The following PLEKHM2 variants were observed in gnomAD, a reference collection of about 807,000 sequenced individuals.
The protein encoded by PLEKHM2 is pleckstrin homology and RUN domain containing M2, also known as pleckstrin homology domain-containing family M member 2.
Under a neutral mutation model 116.3 loss-of-function variants are expected in PLEKHM2, and 77 were observed. The ratio of observed to expected loss-of-function variants is 0.66; its 90% confidence interval spans 0.55 to 0.80. PLEKHM2 has a LOEUF of 0.80. Ranked by LOEUF, PLEKHM2 falls within the 30% of genes least tolerant of loss-of-function variation. PLEKHM2 has a pLI of 0.00. For synonymous variants in PLEKHM2, 562 were observed against 571.0 expected (o/e 0.98, Z 0.22); for missense variants, 1,183 against 1,354.9 (o/e 0.87, Z 1.99).
chr1:15,715,469 T>G (rs1438082430), intron 1 of PLEKHM2, among the ~76,000 whole-genome samples: 1 of 152,012 alleles, frequency 6.6e-6, no homozygotes, highest in African/African-American at 2.4e-5. Flanking sequence ...TGGCGAAACC[T>G]CGTCTCTACT....
chr1:15,684,524 G>GCGA lies in PLEKHM2; in HGVS notation c.-35_-34insCGA. 1.1e-6 allele frequency: 1 copy of GCGA among 916,264 alleles called. No homozygotes were observed. The highest frequency in any genetic ancestry group is 1.4e-6 in the Non-Finnish European group (1 of 733,590). The allele number at this position is 916,264 out of a possible 1,614,324, so 56.8% of individuals were successfully genotyped here. On this transcript the variant is annotated 5_prime_UTR_variant, in exon 1 of 20. It adds an upstream start codon to the 5' untranslated region. Coordinates refer to ENST00000375799, the MANE Select transcript of PLEKHM2 (RefSeq NM_015164.4). The stretch of plus-strand genomic sequence containing the variant: ...AAGCGGCGGCGGGGCGGCGGCGGCG[G>GCGA]TGGCGGTGGCGGTGGCGGCGACGGT...
At chr1:15,720,108 C>T (rs2067971050) in intron 6 of PLEKHM2, among the ~76,000 whole-genome samples, 188 bp downstream of exon 6, 1 of 146,686 alleles carries the variant, frequency 6.8e-6, no homozygotes, top group Admixed American at 6.9e-5. Flanking sequence ...AAAGTGGATT[C>T]TGGGCACAAA....
chr1:15,695,767 G>A (rs933990838), intron 1 of PLEKHM2, among the ~76,000 whole-genome samples: 1 of 152,036 alleles, frequency 6.6e-6, no homozygotes, highest in Non-Finnish European at 1.5e-5. Flanking sequence ...GCCTCCCAAA[G>A]TGCTGGGATT....
At chr1:15,718,049 C>T in intron 4 of PLEKHM2, 57 bp downstream of exon 4, 1 of 1,078,190 alleles carries the variant, frequency 9.3e-7, no homozygotes, top group African/African-American at 1.6e-5. Flanking sequence ...TCAGCTACCT[C>T]CCAAAGGCTC....
chr1:15,722,685 T>C (rs1340780398), intron 7 of PLEKHM2: 1 of 152,206 alleles, frequency 6.6e-6, no homozygotes, highest in Non-Finnish European at 1.5e-5. Flanking sequence ...AGATGTGGCA[T>C]TGGGAAAAAT....
At chr1:15,702,716 C>A (rs1172808045) in intron 1 of PLEKHM2, among the ~76,000 whole-genome samples, 2 of 132,048 alleles carry the variant, frequency 1.5e-5, no homozygotes. Context: ...CCGTGCCCAG[C>A]CTTTTTTTTT....
chr1:15,695,389 A>G (rs1183954475), intron 1 of PLEKHM2, among the ~76,000 whole-genome samples: 1 of 152,192 alleles, frequency 6.6e-6, no homozygotes, highest in African/African-American at 2.4e-5. Flanking sequence ...GAGGAAGGGG[A>G]GTAATAAAAC....
At position 15,728,018 on chromosome 1, in the gene PLEKHM2, G is replaced by A; in HGVS notation, c.1761-61G>A. On this transcript the variant is annotated intron_variant, in intron 9 of 19. Transcript: ENST00000375799. The surrounding 1 kb of genome is among the most constrained non-coding windows in gnomAD (Gnocchi z 5.9). Reference sequence around the variant, plus strand: ...GCACTACCCCCTGGCTCTGGGGTGGGGTGTGGCCTCTCTCACCGCTGCCTG... The same window carrying A: ...GCACTACCCCCTGGCTCTGGGGTGGAGTGTGGCCTCTCTCACCGCTGCCTG... The A allele has an allele frequency of 7.1e-7, 1 of 1,401,784 alleles. No individual in the cohort carries two copies. Among genetic ancestry groups the A allele is most frequent in the Non-Finnish European group, 1.0e-6 (1 of 1,004,202 alleles). The allele number at this position is 1,401,784 out of a possible 1,614,324, so 86.8% of individuals were successfully genotyped here. A position where few individuals can be genotyped will look rare whatever the true frequency, so the allele number is the denominator to read the frequency against.
intron 1 of PLEKHM2, among the ~76,000 whole-genome samples, chr1:15,703,047 C>G (rs147238878): frequency 1.4e-4 from 22 of 152,296 alleles, no homozygotes; most frequent in African/African-American, 5.1e-4. Flanking sequence ...GGGGTCTATT[C>G]TGTTTTTGGA....
At chr1:15,733,766 C>A in intron 19 of PLEKHM2, 31 bp from the exon 20 acceptor site, 1 of 1,607,376 alleles carries the variant, frequency 6.2e-7, no homozygotes, top group Non-Finnish European at 8.5e-7. Flanking sequence ...CCTCAGTGGC[C>A]CTCATCTGTT....
chr1:15,684,516 C>CGGCGGCGGT lies in PLEKHM2; in HGVS notation c.-37_-29dup. ...GGCGCGGGAAGCGGCGGCGGGGCGG[C>CGGCGGCGGT]GGCGGCGGTGGCGGTGGCGGTGGCG... On this transcript the variant is annotated 5_prime_UTR_variant, in exon 1 of 20. Coordinates refer to ENST00000375799, the MANE Select transcript of PLEKHM2 (RefSeq NM_015164.4). 1 of 1,078,580 alleles carries CGGCGGCGGT rather than the reference C, an allele frequency of 9.3e-7. No individual in the cohort carries two copies. 66.8% of individuals were successfully genotyped at this position (1,078,580 alleles called of 1,614,324 possible).
chr1:15,701,083 A>G (rs562532180), intron 1 of PLEKHM2, among the ~76,000 whole-genome samples: 20 of 129,714 alleles, frequency 1.5e-4, no homozygotes, highest in African/African-American at 6.3e-4. Flanking sequence ...ATTGCAATCC[A>G]GCCTGGGCAA....
Position 15,718,613 on chromosome 1 carries a change from C to A in PLEKHM2, c.453C>A (p.Phe151Leu). Residue 151 changes from phenylalanine to leucine, a missense_variant, in exon 5 of 20, where the codon TTC (phenylalanine) becomes TTA (leucine). Phe to Leu is a conservative substitution (Grantham distance 22). Around this residue, in one of 3 missense-constraint regions of PLEKHM2, gnomAD observed 217 missense variants for 277.6 expected, o/e 0.78. Coordinates refer to ENST00000375799, the MANE Select transcript of PLEKHM2 (RefSeq NM_015164.4). ...TGTCCGGGCTAGAGTTCATTCGTTT[C>A]GAGCTGGATCTGGTGAGACACCAGG... Reference protein sequence around the residue: ...TLVSGLEFIRFELDLDAPYLD... With the variant: ...TLVSGLEFIRLELDLDAPYLD... 1 of 1,466,154 alleles carries A rather than the reference C, an allele frequency of 6.8e-7. No homozygotes were observed. Among genetic ancestry groups the A allele is most frequent in the Non-Finnish European group, 9.2e-7 (1 of 1,092,700 alleles). 90.8% of individuals were successfully genotyped at this position (1,466,154 alleles called of 1,614,324 possible).
chr1:15,682,236 G>A (rs1640660030), upstream of PLEKHM2, among the ~76,000 whole-genome samples: 1 of 151,106 alleles, frequency 6.6e-6, no homozygotes, highest in East Asian at 2.0e-4. Flanking sequence ...ATCACCTGAG[G>A]TCAGGAGTTC....
In PLEKHM2 at chr1:15,727,557, T is replaced by G. The variant is rs757229933; in HGVS notation, c.1485T>G (p.Ser495Arg). The change falls in exon 9 of 20, where the codon AGT (serine) becomes AGG (arginine). Residue 495 changes from serine to arginine, a missense_variant. Ser to Arg is a moderately radical substitution (Grantham distance 110). Around this residue, in one of 3 missense-constraint regions of PLEKHM2, gnomAD observed 594 missense variants for 720.1 expected, o/e 0.82. Transcript: ENST00000375799. This position sits in a 1 kb window ranked among gnomAD's most constrained non-coding sequence, Gnocchi z 7.5. ...TTGGCCAACCGCTGCATGTTCCTAG[T>G]AGCCCTGAGGCTGCTGGCCAAGAAG... ...AGLGQPLHVP[S>R]SPEAAGQEEE... 6.3e-7 allele frequency: 1 copy of G among 1,575,642 alleles called. No individual in the cohort carries two copies. Among genetic ancestry groups the G allele is most frequent in the Non-Finnish European group, 8.6e-7 (1 of 1,161,140 alleles).
intron 19 of PLEKHM2, 128 bp from the exon 20 acceptor site, chr1:15,733,669 A>C (rs1387220225): frequency 1.5e-5 from 15 of 986,262 alleles, no homozygotes; most frequent in Non-Finnish European, 2.3e-5. Flanking sequence ...AGATGTTCCC[A>C]GGGAGAGATG....
At chr1:15,725,273 G>T (rs376010242) in intron 7 of PLEKHM2, 44 bp from the exon 8 acceptor site, 2 of 1,431,496 alleles carry the variant, frequency 1.4e-6, no homozygotes, top group South Asian at 1.2e-5. Context: ...CGGGGACCCC[G>T]GGGGGTGCCT....
intron 1 of PLEKHM2, 76 bp from the exon 2 acceptor site, chr1:15,716,161 A>G (rs1361580110): frequency 3.3e-6 from 3 of 915,594 alleles, no homozygotes. Flanking sequence ...TTTTTTAGCT[A>G]CCTTCTTGAT....
Position 15,731,932 on chromosome 1 carries a change from C to T in PLEKHM2, c.2509C>T (p.Arg837Trp), listed in dbSNP as rs374236339. ...GGCRRANTTD[R>W]PHAFQVILSD... The stretch of plus-strand genomic sequence containing the variant: ...CTGCCGGAGAGCCAACACCACGGAT[C>T]GGCCCCACGCCTTCCAGGTCATTCT... The change falls in exon 17 of 20, where the codon CGG (arginine) becomes TGG (tryptophan). Residue 837 changes from arginine (R) to tryptophan (W), a missense_variant. By Grantham distance (101) the Arg-to-Trp change is moderately radical (BLOSUM62 -3). Coordinates refer to ENST00000375799, the MANE Select transcript of PLEKHM2 (RefSeq NM_015164.4). The T allele has an allele frequency of 4.2e-5, 67 of 1,611,278 alleles. No homozygotes were observed. Among genetic ancestry groups the T allele is most frequent in the Non-Finnish European group, 5.3e-5 (62 of 1,179,318 alleles).
Sources: allele counts gnomAD v4.1 joint callset (sites outside exome capture counted in the v4.1 genomes callset), GRCh38; gene constraint gnomAD v4.1.1; regional missense constraint gnomAD v4.1.1; non-coding constraint Gnocchi (gnomAD v3.1); transcripts MANE v1.5; gene names NCBI Gene and HGNC (gene_info 2026-07-23, HGNC 2026-07-21).